Variants in EIF4EBP1 observed in about 807,000 individuals in gnomAD.
EIF4EBP1 encodes the protein eukaryotic translation initiation factor 4E-binding protein 1.
A neutral mutation model predicts 9.2 loss-of-function variants in EIF4EBP1; 5 were observed. The ratio of observed to expected loss-of-function variants is 0.54; its 90% CI spans 0.28 to 1.14. The LOEUF (loss-of-function observed/expected upper bound fraction) is 1.14, where lower values mean the gene tolerates loss of function less well. EIF4EBP1 is among the 50% of genes most tolerant of loss of function. EIF4EBP1 has a pLI of 0.09. For synonymous variants in EIF4EBP1, 62 were observed against 67.0 expected (o/e 0.93, Z 0.36); for missense variants, 139 against 169.6 (o/e 0.82, Z 1.00).
chr8:38,056,024 C>G (rs1809590234), intron 1 of EIF4EBP1, among the ~76,000 whole-genome samples: 1 of 152,008 alleles, frequency 6.6e-6, no homozygotes. Context: ...CCAGGCATTT[C>G]TCTCTTTTTT....
intron 1 of EIF4EBP1, among the ~76,000 whole-genome samples, chr8:38,040,401 G>T (rs1428948208): frequency 3.3e-5 from 5 of 152,212 alleles, no homozygotes; most frequent in Non-Finnish European, 7.3e-5. Context: ...AGGCCCAGAG[G>T]ATCAGGGCTT....
intron 1 of EIF4EBP1, among the ~76,000 whole-genome samples, chr8:38,032,452 G>C (rs1809238064): frequency 6.6e-6 from 1 of 152,190 alleles, no homozygotes; most frequent in African/African-American, 2.4e-5. Context: ...AGTGAGCTAT[G>C]ATTGACCACT....
At chr8:38,058,218 G>T (rs1278574744) in intron 2 of EIF4EBP1, among the ~76,000 whole-genome samples, 1 of 152,158 alleles carries the variant, frequency 6.6e-6, no homozygotes, top group Admixed American at 6.6e-5. Context: ...GAAGAAAAAT[G>T]GTTTATTTCT....
chr8:38,060,005 C>A lies in EIF4EBP1; in HGVS notation c.*70C>A. 6.7e-7 allele frequency: 1 copy of A among 1,486,694 alleles called. No homozygotes were observed. Among genetic ancestry groups the A allele is most frequent in the Non-Finnish European group, 9.4e-7 (1 of 1,064,068 alleles). 92.1% of individuals were successfully genotyped at this position (1,486,694 alleles called of 1,614,324 possible). A position where few individuals can be genotyped will look rare whatever the true frequency, so the allele number is the denominator to read the frequency against. ...CCTTCCTGGGAGGAGTCCCACCAGC[C>A]AGGCCTTATGAAAGTGATCATACTG... is the stretch of plus-strand genomic sequence containing the variant. On this transcript the variant is annotated 3_prime_UTR_variant, in exon 3 of 3. Coordinates refer to ENST00000338825, the MANE Select transcript of EIF4EBP1 (RefSeq NM_004095.4).
intron 1 of EIF4EBP1, among the ~76,000 whole-genome samples, chr8:38,045,997 G>T (rs1809443943): frequency 6.6e-6 from 1 of 152,066 alleles, no homozygotes; most frequent in South Asian, 2.1e-4. Context: ...CCTCTGCCTG[G>T]GTTCAAGCAA....
In EIF4EBP1 at chr8:38,045,993, C is replaced by T. The variant is rs796384484; in HGVS notation, c.146-11088C>T. Among the ~76,000 whole-genome samples the T allele has an allele frequency of 2.0e-5, 3 of 151,668 alleles. 1 individual carries two copies. Among genetic ancestry groups the T allele is most frequent in the African/African-American group, 7.3e-5 (3 of 41,344 alleles). ...CGATTTTGGCTCACTGCAACCTCTG[C>T]CTGGGTTCAAGCAATCCTCCTGCCT... On this transcript the variant is annotated intron_variant, in intron 1 of 2. Transcript: ENST00000338825.
intron 1 of EIF4EBP1, among the ~76,000 whole-genome samples, chr8:38,037,060 A>G (rs1274750394): frequency 2.6e-5 from 4 of 152,062 alleles, no homozygotes; most frequent in African/African-American, 9.7e-5. Context: ...CAACAAACCC[A>G]TGAAAAACCT....
In EIF4EBP1 at chr8:38,057,276, T is replaced by C; in HGVS notation, c.325+16T>C. On this transcript the variant is annotated intron_variant, in intron 2 of 2. Transcript: ENST00000338825. Reference sequence around the variant, plus strand: ...CGGGCGGGCGGTGAGTGTCGGGGCTTGGCCAGGCTCTACCTTGGGAAAGGG... The same window carrying C: ...CGGGCGGGCGGTGAGTGTCGGGGCTCGGCCAGGCTCTACCTTGGGAAAGGG... 6.3e-7 allele frequency: 1 copy of C among 1,589,154 alleles called. No individual in the cohort carries two copies. Among genetic ancestry groups the C allele is most frequent in the Non-Finnish European group, 8.6e-7 (1 of 1,166,530 alleles).
At chr8:38,039,805 G>A (rs893245268) in intron 1 of EIF4EBP1, among the ~76,000 whole-genome samples, 15 of 152,100 alleles carry the variant, frequency 9.9e-5, no homozygotes, top group Non-Finnish European at 2.1e-4. Flanking sequence ...AGTATTGCTG[G>A]TATTTCTTGT....
chr8:38,030,680 C>A lies in EIF4EBP1; in HGVS notation c.107C>A (p.Thr36Lys). The A allele has an allele frequency of 6.7e-7, 1 of 1,482,486 alleles. No individual in the cohort carries two copies. The highest frequency in any genetic ancestry group is 8.9e-7 in the Non-Finnish European group (1 of 1,122,086). 91.8% of individuals were successfully genotyped at this position (1,482,486 alleles called of 1,614,324 possible). The change falls in exon 1 of 3, where the codon ACG becomes AAG. Residue 36 changes from threonine (T) to lysine (K), a missense_variant. Transcript: ENST00000338825. The part of the protein sequence containing the change: ...GVQLPPGDYS[T>K]TPGGTLFSTT... ...CAGCTCCCGCCCGGGGACTACAGCA[C>A]GACCCCCGGCGGCACGCTCTTCAGC... is the stretch of plus-strand genomic sequence containing the variant.
intron 2 of EIF4EBP1, among the ~76,000 whole-genome samples, chr8:38,058,703 A>C (rs1288325391): frequency 1.3e-5 from 2 of 152,188 alleles, no homozygotes; most frequent in Admixed American, 6.5e-5. Flanking sequence ...GATTCATCTC[A>C]AGCTTAATTT....
At chr8:38,051,837 T>C (rs1435638237) in intron 1 of EIF4EBP1, among the ~76,000 whole-genome samples, 1 of 152,158 alleles carries the variant, frequency 6.6e-6, no homozygotes, top group Admixed American at 6.6e-5. Flanking sequence ...CCTCAGGTGA[T>C]CTGCCTGCCT....
chr8:38,053,505 C>T (rs1809553675), intron 1 of EIF4EBP1, among the ~76,000 whole-genome samples: 1 of 152,216 alleles, frequency 6.6e-6, no homozygotes, highest in Admixed American at 6.5e-5. Flanking sequence ...TGTGTGCCAC[C>T]ACGCCTGGCT....
chr8:38,052,289 C>A (rs1809536526), intron 1 of EIF4EBP1, among the ~76,000 whole-genome samples: 1 of 151,312 alleles, frequency 6.6e-6, no homozygotes, highest in Admixed American at 6.6e-5. Context: ...TAGACAGGGT[C>A]TCGCTCTGTC....
chr8:38,059,688 G>A lies in EIF4EBP1; in HGVS notation c.326-216G>A, dbSNP rs374232879. 1.5e-4 allele frequency among the ~76,000 whole-genome samples: 22 copies of A among 151,622 alleles called. No homozygotes were observed. In the East Asian group the frequency reaches 3.7e-3, roughly 25 times the overall value. On this transcript the variant is annotated intron_variant, in intron 2 of 2. Coordinates refer to ENST00000338825, the MANE Select transcript of EIF4EBP1 (RefSeq NM_004095.4). ...GGAGAATCGCTTGAACCCAGGAGGC[G>A]GAGGTTGCAGTGAGCCGAAATTGGG...
intron 1 of EIF4EBP1, among the ~76,000 whole-genome samples, chr8:38,040,568 C>A (rs991649233): frequency 2.5e-4 from 38 of 152,150 alleles, no homozygotes; most frequent in African/African-American, 8.9e-4. Flanking sequence ...TGAGCTTACT[C>A]ATATGGCTGC....
At chr8:38,044,568 AG>A (rs1482214027) in intron 1 of EIF4EBP1, among the ~76,000 whole-genome samples, 1 of 152,182 alleles carries the variant, frequency 6.6e-6, no homozygotes, top group Non-Finnish European at 1.5e-5. Flanking sequence ...CCTCTGGAGT[AG>A]CTGGGATCAT....
At position 38,037,248 on chromosome 8, in the gene EIF4EBP1, A is replaced by C. The variant is rs141339859; in HGVS notation, c.145+6530A>C. Among the ~76,000 whole-genome samples, 10 of 152,252 alleles carry C rather than the reference A, an allele frequency of 6.6e-5. No individual in the cohort carries two copies. In the East Asian group the frequency reaches 1.9e-3, roughly 29 times the overall value. On this transcript the variant is annotated intron_variant, in intron 1 of 2. Coordinates refer to ENST00000338825, the MANE Select transcript of EIF4EBP1 (RefSeq NM_004095.4). ...ACCTAATGCCAGGTCTAGTGTCTGG[A>C]AGGTGAAGAGTTGAAAAGAATGCTG...
In EIF4EBP1 at chr8:38,057,253, G is replaced by A; in HGVS notation, c.318G>A (p.Arg106=). The A allele has an allele frequency of 6.2e-7, 1 of 1,608,132 alleles. No individual in the cohort carries two copies. Among genetic ancestry groups the A allele is most frequent in the Non-Finnish European group, 8.5e-7 (1 of 1,176,372 alleles). The change falls in exon 2 of 3, where the codon CGG becomes CGA. Residue 106 remains arginine, a synonymous_variant. Coordinates refer to ENST00000338825, the MANE Select transcript of EIF4EBP1 (RefSeq NM_004095.4). ...TGCGCAATAGCCCAGAAGATAAGCG[G>A]GCGGGCGGTGAGTGTCGGGGCTTGG... The part of the protein sequence containing the change: ...SHLRNSPEDK[R]AGGEESQFEM...
Sources: allele counts gnomAD v4.1 joint callset (sites outside exome capture counted in the v4.1 genomes callset), GRCh38; gene constraint gnomAD v4.1.1; transcripts MANE v1.5; gene names NCBI Gene and HGNC (gene_info 2026-07-23, HGNC 2026-07-21).